The following RAB11FIP2 variants were observed in gnomAD, a reference collection of about 807,000 sequenced individuals.
The protein encoded by RAB11FIP2 is RAB11 family interacting protein 2, also known as rab11 family-interacting protein 2.
In RAB11FIP2, 16 loss-of-function variants were observed where a neutral mutation model predicts 40.9. The ratio of observed to expected loss-of-function variants is 0.39; its 90% CI spans 0.26 to 0.59. The LOEUF (loss-of-function observed/expected upper bound fraction) is 0.59, where lower values mean the gene tolerates loss of function less well. Ranked by LOEUF, RAB11FIP2 falls within the 20% of genes least tolerant of loss-of-function variation. The pLI is 0.53. For missense variants in RAB11FIP2, 532 were observed against 606.2 expected, an observed-to-expected ratio of 0.88 and a Z score of 1.28; for synonymous variants, 228 against 213.7, an observed-to-expected ratio of 1.07 and a Z score of -0.58.
intron 3 of RAB11FIP2, among the ~76,000 whole-genome samples, chr10:118,024,363 T>C (rs1201395225): frequency 6.6e-6 from 1 of 152,174 alleles, no homozygotes; most frequent in Admixed American, 6.5e-5. Context: ...ATTTTCTCCC[T>C]GTATCTTTAG....
intron 4 of RAB11FIP2, among the ~76,000 whole-genome samples, chr10:118,011,708 T>A (rs1846157670): frequency 1.3e-5 from 2 of 152,082 alleles, no homozygotes; most frequent in Admixed American, 6.6e-5. Context: ...GTATACCAAG[T>A]GATTTTTCTA....
Position 118,010,265 on chromosome 10 carries a change from C to T in RAB11FIP2, c.1312-1040G>A, listed in dbSNP as rs188319902. On this transcript the variant is annotated intron_variant, in intron 4 of 4. Coordinates refer to ENST00000355624, the MANE Select transcript of RAB11FIP2 (RefSeq NM_014904.3). The stretch of plus-strand genomic sequence containing the variant: ...ATCATAGTTCTCTCATTAAGCCCAA[C>T]AATTTAAAATAATTTTCATCACTAT... Among the ~76,000 whole-genome samples, 266 of 152,176 alleles carry T rather than the reference C, an allele frequency of 1.7e-3. 1 individual carries two copies. Among genetic ancestry groups the T allele is most frequent in the African/African-American group, 5.5e-3 (227 of 41,536 alleles).
At position 118,008,135 on chromosome 10, in the gene RAB11FIP2, A is replaced by C. The variant is rs1200858968; in HGVS notation, c.*863T>G. ...TTAGCTTATCTTCTGCTTATACCTTAAACAAACTCAAATGTTAATTAATTC... is the reference window on the plus strand; with the variant it reads ...TTAGCTTATCTTCTGCTTATACCTTCAACAAACTCAAATGTTAATTAATTC... On this transcript the variant is annotated 3_prime_UTR_variant, in exon 5 of 5. Coordinates refer to ENST00000355624, the MANE Select transcript of RAB11FIP2 (RefSeq NM_014904.3). 1.3e-5 allele frequency: 2 copies of C among 152,360 alleles called. No homozygotes were observed. The highest frequency in any genetic ancestry group is 2.9e-5 in the Non-Finnish European group (2 of 68,008). 9.4% of individuals were successfully genotyped at this position (152,360 alleles called of 1,614,324 possible).
intron 3 of RAB11FIP2, among the ~76,000 whole-genome samples, chr10:118,022,983 T>C (rs969815829): frequency 6.6e-6 from 1 of 152,238 alleles, no homozygotes; most frequent in African/African-American, 2.4e-5. Context: ...TACCTGATGA[T>C]ACATTAGTGG....
intron 1 of RAB11FIP2, 45 bp downstream of exon 1, chr10:118,045,766 T>C (rs775647077): frequency 9.1e-6 from 13 of 1,435,306 alleles, no homozygotes; most frequent in Middle Eastern, 1.8e-4. Context: ...AAACCATAAA[T>C]AAGATATAAA....
intron 3 of RAB11FIP2, among the ~76,000 whole-genome samples, chr10:118,031,753 CT>C: frequency 6.6e-6 from 1 of 152,208 alleles, no homozygotes; most frequent in South Asian, 2.1e-4. Flanking sequence ...GAAATACATG[CT>C]TTGGAAAATC....
Position 118,039,203 on chromosome 10 carries a change from A to C in RAB11FIP2, c.1034T>G (p.Ile345Arg). Residue 345 changes from isoleucine to arginine, a missense_variant, in exon 3 of 5, where the codon ATA (isoleucine) becomes AGA (arginine). By Grantham distance (97) the Ile-to-Arg change is moderately conservative (BLOSUM62 -3). Coordinates refer to ENST00000355624, the MANE Select transcript of RAB11FIP2 (RefSeq NM_014904.3). The part of the protein sequence containing the change: ...SMNLFSKPIE[I>R]RKENKREKRE... ...TTTCTCTCTTTTATTTTCTTTTCTT[A>C]TTTCAATTGGTTTTGAAAATAAATT... The C allele has an allele frequency of 6.2e-7, 1 of 1,613,308 alleles. No homozygotes were observed. Among genetic ancestry groups the C allele is most frequent in the Non-Finnish European group, 8.5e-7 (1 of 1,179,654 alleles).
chr10:118,017,327 G>A (rs984578933), intron 3 of RAB11FIP2, among the ~76,000 whole-genome samples: 1 of 152,206 alleles, frequency 6.6e-6, no homozygotes, highest in Non-Finnish European at 1.5e-5. Flanking sequence ...GAAGGCACAC[G>A]GTAGAGATGT....
chr10:118,040,655 T>C (rs1419393421), intron 1 of RAB11FIP2, 90 bp from the exon 2 acceptor site: 17 of 923,254 alleles, frequency 1.8e-5, no homozygotes, highest in Non-Finnish European at 1.9e-5. Flanking sequence ...TTAGGTAAAG[T>C]AACTATACAT....
At chr10:118,043,199 G>A (rs1291639457) in intron 1 of RAB11FIP2, among the ~76,000 whole-genome samples, 1 of 152,010 alleles carries the variant, frequency 6.6e-6, no homozygotes, top group Admixed American at 6.5e-5. Flanking sequence ...TTGGCAGTAA[G>A]GGTGCCAGAG....
chr10:118,038,678 G>A lies in RAB11FIP2; in HGVS notation c.1265+294C>T, dbSNP rs187420328. 2.4e-4 allele frequency among the ~76,000 whole-genome samples: 36 copies of A among 151,992 alleles called. No homozygotes were observed. The East Asian group carries it at 6.0e-3, about 25-fold the overall frequency. On this transcript the variant is annotated intron_variant, in intron 3 of 4. Coordinates refer to ENST00000355624, the MANE Select transcript of RAB11FIP2 (RefSeq NM_014904.3). Reference sequence around the variant, plus strand: ...TAACACCCACTGGCAATTCACTCTCGCCATGTCTCATCACAAGCCATGTTG... The same window carrying A: ...TAACACCCACTGGCAATTCACTCTCACCATGTCTCATCACAAGCCATGTTG...
chr10:118,015,848 T>C (rs1023102667), intron 3 of RAB11FIP2, among the ~76,000 whole-genome samples: 4 of 152,238 alleles, frequency 2.6e-5, no homozygotes, highest in Non-Finnish European at 2.9e-5. Context: ...TATTCAAGTT[T>C]AATTTTTACC....
At position 118,039,176 on chromosome 10, in the gene RAB11FIP2, C is replaced by T. The variant is rs1462988900; in HGVS notation, c.1061G>A (p.Arg354Lys). 1.2e-6 allele frequency: 2 copies of T among 1,613,508 alleles called. No homozygotes were observed. The highest frequency in any genetic ancestry group is 2.7e-5 in the African/African-American group (2 of 74,840). ...EIRKENKREKREKVSLFERVT... is the reference protein window; with the variant it reads ...EIRKENKREKKEKVSLFERVT... ...TCTTTCAAACAGGCTAACTTTCTCC[C>T]TTTTCTCTCTTTTATTTTCTTTTCT... The change falls in exon 3 of 5, where the codon AGG (arginine) becomes AAG (lysine). Residue 354 changes from arginine to lysine, a missense_variant. Transcript: ENST00000355624.
Position 118,040,397 on chromosome 10 carries a change from T to C in RAB11FIP2, c.522A>G (p.Arg174=), listed in dbSNP as rs2133182809. 6.2e-7 allele frequency: 1 copy of C among 1,613,950 alleles called. No homozygotes were observed. The highest frequency in any genetic ancestry group is 8.5e-7 in the Non-Finnish European group (1 of 1,179,836). Residue 174 remains arginine, a synonymous_variant, in exon 2 of 5, where the codon AGA becomes AGG. Coordinates refer to ENST00000355624, the MANE Select transcript of RAB11FIP2 (RefSeq NM_014904.3). ...FAKLKDKMKG[R]KNDGTFSDTS... ...TATCAGAAAATGTTCCATCATTTTT[T>C]CTACCCTTCATCTTATCTTTTAACT...
intron 1 of RAB11FIP2, among the ~76,000 whole-genome samples, chr10:118,043,262 T>C (rs758247780): frequency 6.6e-6 from 1 of 152,132 alleles, no homozygotes; most frequent in Non-Finnish European, 1.5e-5. Flanking sequence ...AATCTGCATA[T>C]GTCTGAGTCA....
rs1201250001 is a variant in RAB11FIP2, at chr10:118,040,044, T to C, written c.796+79A>G. 5 of 1,374,312 alleles carry C rather than the reference T, an allele frequency of 3.6e-6. No homozygotes were observed. The African/African-American group carries it at 4.4e-5, about 12-fold the overall frequency. The allele number at this position is 1,374,312 out of a possible 1,614,324, so 85.1% of individuals were successfully genotyped here. The stretch of plus-strand genomic sequence containing the variant: ...TACTACAAAGCAACTGCTATTTTGA[T>C]TTACTAAATTTAGAAATTAAACTTT... On this transcript the variant is annotated intron_variant, in intron 2 of 4. Transcript: ENST00000355624.
At position 118,040,126 on chromosome 10, in the gene RAB11FIP2, T is replaced by C. The variant is rs1337882172; in HGVS notation, c.793A>G (p.Ser265Gly). The C allele has an allele frequency of 3.7e-6, 6 of 1,611,108 alleles. No homozygotes were observed. Among genetic ancestry groups the C allele is most frequent in the Non-Finnish European group, 5.1e-6 (6 of 1,178,196 alleles). Residue 265 changes from serine to glycine, a missense_variant, in exon 2 of 5, where the codon AGT becomes GGT. Transcript: ENST00000355624. ...TACACAAGAATGTGACACTTACCACTTTCTGGAACTGTTCCAAAGGAATCT... is the reference window on the plus strand; with the variant it reads ...TACACAAGAATGTGACACTTACCACCTTCTGGAACTGTTCCAAAGGAATCT... ...QLDSFGTVPE[S>G]GSLKSPHRRT...
intron 3 of RAB11FIP2, among the ~76,000 whole-genome samples, chr10:118,038,547 A>G (rs1035028161): frequency 1.3e-5 from 2 of 152,066 alleles, no homozygotes; most frequent in Non-Finnish European, 2.9e-5. Context: ...ATTAATACTG[A>G]AGCTGGCGTT....
chr10:118,046,023 G>A lies in RAB11FIP2; in HGVS notation c.141C>T (p.Tyr47=). 6.2e-7 allele frequency: 1 copy of A among 1,614,238 alleles called. No homozygotes were observed. ...GGGTTTTCTCAGCTACAGAGGTGGA[G>A]TACTTTTCCTTGCCCAGCTGAATTA... ...YTIIQLGKEK[Y]STSVAEKTLE... Residue 47 remains tyrosine, a synonymous_variant, in exon 1 of 5, where the codon TAC becomes TAT. Coordinates refer to ENST00000355624, the MANE Select transcript of RAB11FIP2 (RefSeq NM_014904.3).
Sources: gnomAD v4.1 joint callset for allele counts (sites outside exome capture counted in the v4.1 genomes callset) on GRCh38, gnomAD v4.1.1 for gene constraint, MANE v1.5 for transcripts, NCBI Gene and HGNC (gene_info 2026-07-23, HGNC 2026-07-21) for gene names.